Variants in ARHGAP35 observed in about 807,000 individuals in gnomAD.
ARHGAP35 encodes the protein rho GTPase-activating protein 35.
Under a neutral mutation model 111.1 loss-of-function variants are expected in ARHGAP35, and 15 were observed. The observed-to-expected ratio is 0.13, with a 90% CI of 0.09 to 0.21. The LOEUF (loss-of-function observed/expected upper bound fraction) is 0.21. ARHGAP35 is among the 10% of genes least tolerant of loss of function. ARHGAP35 has a pLI of 1.00. For missense variants in ARHGAP35, 1,262 were observed against 1,873.0 expected (o/e 0.67, Z 6.02); for synonymous variants, 643 against 710.3 (o/e 0.91, Z 1.51).
chr19:46,933,920 C>A (rs761230201), intron 2 of ARHGAP35, among the ~76,000 whole-genome samples: 12 of 152,220 alleles, frequency 7.9e-5, no homozygotes, highest in African/African-American at 1.2e-4. Flanking sequence ...CCAGCATCAT[C>A]TTGTTCCTAG....
chr19:46,868,040 A>G (rs868678910), intron 1 of ARHGAP35, among the ~76,000 whole-genome samples: 2 of 152,078 alleles, frequency 1.3e-5, no homozygotes, highest in Middle Eastern at 6.8e-3. Context: ...TCTAGTTTTT[A>G]TATTTTTAGT....
intron 1 of ARHGAP35, among the ~76,000 whole-genome samples, chr19:46,899,517 A>C (rs12608938): frequency 0.035 from 5,252 of 152,030 alleles, 163 homozygotes; most frequent in East Asian, 0.16. Flanking sequence ...AACATGGTGA[A>C]ACCTTGTCTC....
In ARHGAP35 at chr19:46,920,905, C is replaced by T. The variant is rs761081196; in HGVS notation, c.2230C>T (p.Arg744Cys). The T allele has an allele frequency of 1.4e-5, 22 of 1,613,702 alleles. No individual in the cohort carries two copies. The highest frequency in any genetic ancestry group is 6.6e-5 in the South Asian group (6 of 91,080). Residue 744 changes from arginine (R) to cysteine (C), a missense_variant, in exon 2 of 7, where the codon CGC (arginine) becomes TGC (cysteine). Physicochemically the swap from Arg to Cys is radical, Grantham distance 180. Coordinates refer to ENST00000672722, the MANE Select transcript of ARHGAP35 (RefSeq NM_004491.5). The surrounding 1 kb of genome is among the most constrained non-coding windows in gnomAD (Gnocchi z 7.0). Reference sequence around the variant, plus strand: ...TGCTTCTGCTGGCATTGGTTACGGACGCAACATTAATGAAAAGCAAATCAG... The same window carrying T: ...TGCTTCTGCTGGCATTGGTTACGGATGCAACATTAATGAAAAGCAAATCAG... ...DPASAGIGYG[R>C]NINEKQISQV...
chr19:46,877,724 G>C (rs552144466), intron 1 of ARHGAP35, among the ~76,000 whole-genome samples: 2 of 151,236 alleles, frequency 1.3e-5, no homozygotes, highest in South Asian at 4.2e-4. Flanking sequence ...TTTTTTGGAG[G>C]GGGGACAGTT....
At chr19:46,974,413 C>G (rs1356270921) in intron 3 of ARHGAP35, among the ~76,000 whole-genome samples, 1 of 152,172 alleles carries the variant, frequency 6.6e-6, no homozygotes, top group Non-Finnish European at 1.5e-5. Context: ...CCCTGGGTTC[C>G]ATAATTTGCT....
chr19:46,971,435 C>T (rs1266286164), intron 3 of ARHGAP35, among the ~76,000 whole-genome samples: 1 of 151,898 alleles, frequency 6.6e-6, no homozygotes, highest in Non-Finnish European at 1.5e-5. Flanking sequence ...AGACAAACTT[C>T]TGGGGGGTAT....
chr19:46,955,656 TC>T (rs1265219370), intron 3 of ARHGAP35, among the ~76,000 whole-genome samples: 2 of 152,132 alleles, frequency 1.3e-5, no homozygotes, highest in Non-Finnish European at 2.9e-5. Context: ...ATTTCATACT[TC>T]CTGTATTTGT....
In ARHGAP35 at chr19:46,937,530, G is replaced by T. The variant is rs567416137; in HGVS notation, c.3826+122G>T. 117 of 1,142,990 alleles carry T rather than the reference G, an allele frequency of 1.0e-4. No individual in the cohort carries two copies. In the South Asian group the frequency reaches 1.1e-3, roughly 11 times the overall value. 70.8% of individuals were successfully genotyped at this position (1,142,990 alleles called of 1,614,324 possible). ...TTGATTGTGAGATGCTCTTGGAGAAGGAGCTGAGCAGTCCCAACAGTTGTC... is the reference window on the plus strand; with the variant it reads ...TTGATTGTGAGATGCTCTTGGAGAATGAGCTGAGCAGTCCCAACAGTTGTC... On this transcript the variant is annotated intron_variant, in intron 3 of 6. Transcript: ENST00000672722.
intron 5 of ARHGAP35, among the ~76,000 whole-genome samples, chr19:46,998,723 TG>T (rs1265303435): frequency 6.6e-6 from 1 of 152,208 alleles, no homozygotes; most frequent in African/African-American, 2.4e-5. Context: ...ATAGGCAAAG[TG>T]TGGGCGTTGG....
At chr19:46,936,452 C>A (rs942387318) in intron 2 of ARHGAP35, among the ~76,000 whole-genome samples, 1 of 152,148 alleles carries the variant, frequency 6.6e-6, no homozygotes, top group Non-Finnish European at 1.5e-5. Context: ...TAACCCCAAG[C>A]TAATGTATCA....
intron 3 of ARHGAP35, chr19:46,948,575 T>A (rs762355307): frequency 1.2e-4 from 18 of 152,334 alleles, no homozygotes; most frequent in Non-Finnish European, 2.4e-4. Context: ...GATGGAATAC[T>A]TCTCATTCAT....
chr19:46,862,341 C>T (rs1353999553), intron 1 of ARHGAP35, among the ~76,000 whole-genome samples: 2 of 152,148 alleles, frequency 1.3e-5, no homozygotes, highest in South Asian at 4.1e-4. Flanking sequence ...TTTTGGCACT[C>T]CTCTGAGCTA....
chr19:46,937,636 T>G (rs2056317237), intron 3 of ARHGAP35, among the ~76,000 whole-genome samples: 4 of 152,168 alleles, frequency 2.6e-5, no homozygotes, highest in Admixed American at 2.6e-4. Flanking sequence ...GAAGGAGCTG[T>G]TCTGTGCTCA....
chr19:46,936,485 A>G (rs1568472722), intron 2 of ARHGAP35, among the ~76,000 whole-genome samples: 1 of 152,208 alleles, frequency 6.6e-6, no homozygotes, highest in Admixed American at 6.5e-5. Context: ...ATTTGGGTCT[A>G]TCAGCCCTAG....
Position 46,919,699 on chromosome 19 carries a change from G to T in ARHGAP35, c.1024G>T (p.Ala342Ser). Residue 342 changes from alanine (A) to serine (S), a missense_variant, in exon 2 of 7, where the codon GCA (alanine) becomes TCA (serine). By Grantham distance (99) the Ala-to-Ser change is moderately conservative. Around this residue, in one of 8 missense-constraint regions of ARHGAP35, gnomAD observed 328 missense variants for 440.8 expected, o/e 0.74. Transcript: ENST00000672722. This position sits in a 1 kb window ranked among gnomAD's most constrained non-coding sequence, Gnocchi z 6.2. Reference sequence around the variant, plus strand: ...CGAGCGTAGGAGAAAGCTGTACCTGGCAGCCCTGCCATTAGCTTTTGAAGC... The same window carrying T: ...CGAGCGTAGGAGAAAGCTGTACCTGTCAGCCCTGCCATTAGCTTTTGAAGC... ...HIERRRKLYL[A>S]ALPLAFEALI... 6.2e-7 allele frequency: 1 copy of T among 1,613,980 alleles called. No homozygotes were observed. The highest frequency in any genetic ancestry group is 8.5e-7 in the Non-Finnish European group (1 of 1,179,892).
At chr19:46,978,656 T>TGTGG (rs2056595273) in intron 3 of ARHGAP35, among the ~76,000 whole-genome samples, 1 of 67,156 alleles carries the variant, frequency 1.5e-5, no homozygotes, top group Non-Finnish European at 3.0e-5. Context: ...GTGTGTGTGG[T>TGTGG]GGGTGTGTGT....
intron 2 of ARHGAP35, among the ~76,000 whole-genome samples, chr19:46,927,152 G>A (rs993656551): frequency 1.3e-5 from 2 of 152,174 alleles, no homozygotes; most frequent in Non-Finnish European, 2.9e-5. Flanking sequence ...TTTAAACGAG[G>A]TACTTTTGTT....
chr19:46,909,488 A>G (rs564147787), intron 1 of ARHGAP35, among the ~76,000 whole-genome samples: 1 of 152,304 alleles, frequency 6.6e-6, no homozygotes, highest in African/African-American at 2.4e-5. Context: ...AATCTGTTGC[A>G]TGAGACGACG....
rs1334010333 is a variant in ARHGAP35, at chr19:47,001,309, G to A, written c.*621G>A. On this transcript the variant is annotated 3_prime_UTR_variant, in exon 7 of 7. Transcript: ENST00000672722. This position sits in a 1 kb window ranked among gnomAD's most constrained non-coding sequence, Gnocchi z 5.4. ...GGACCCAGAGAGTGTGGGACTCCCCGCTTCATCCCCACCGTCCCACTCCAC... is the reference window on the plus strand; with the variant it reads ...GGACCCAGAGAGTGTGGGACTCCCCACTTCATCCCCACCGTCCCACTCCAC... 8.5e-6 allele frequency: 11 copies of A among 1,290,202 alleles called. No individual in the cohort carries two copies. The Admixed American group carries it at 9.2e-5, about 11-fold the overall frequency. 79.9% of individuals were successfully genotyped at this position (1,290,202 alleles called of 1,614,324 possible). A position where few individuals can be genotyped will look rare whatever the true frequency, so the allele number is the denominator to read the frequency against.
Sources: allele counts gnomAD v4.1 joint callset (sites outside exome capture counted in the v4.1 genomes callset), GRCh38; gene constraint gnomAD v4.1.1; regional missense constraint gnomAD v4.1.1; non-coding constraint Gnocchi (gnomAD v3.1); transcripts MANE v1.5; gene names NCBI Gene and HGNC (gene_info 2026-07-23, HGNC 2026-07-21).